The following NPAS2 variants were observed in gnomAD, a reference collection of about 807,000 sequenced individuals.
NPAS2 encodes the protein neuronal PAS domain-containing protein 2.
In NPAS2, 23 loss-of-function variants were observed where a neutral mutation model predicts 107.5. The observed-to-expected ratio is 0.21, with a 90% confidence interval of 0.15 to 0.30. The LOEUF is 0.30. Among genes scored for constraint, NPAS2 ranks in the 10% least tolerant of loss-of-function variants. The probability of loss-of-function intolerance (pLI) is 1.00; values close to 1 mark genes in which losing one functional copy is unlikely to be tolerated. For missense variants in NPAS2, 756 were observed against 1,043.3 expected (o/e 0.72, Z 3.79); for synonymous variants, 403 against 417.5 (o/e 0.97, Z 0.42).
chr2:100,852,204 G>T (rs940761169), intron 1 of NPAS2, among the ~76,000 whole-genome samples: 3 of 152,010 alleles, frequency 2.0e-5, no homozygotes, highest in East Asian at 1.9e-4. Context: ...AGACCATCCT[G>T]GCTAACACGG....
intron 2 of NPAS2, among the ~76,000 whole-genome samples, chr2:100,909,421 G>A (rs1053938512): frequency 2.6e-5 from 4 of 152,182 alleles, no homozygotes; most frequent in South Asian, 2.1e-4. Flanking sequence ...GACTGTTCTC[G>A]TTTCATTTGT....
At chr2:100,964,992 T>C (rs762775162) in intron 9 of NPAS2, 49 bp downstream of exon 9, 2 of 1,249,862 alleles carry the variant, frequency 1.6e-6, no homozygotes, top group Non-Finnish European at 2.2e-6. Flanking sequence ...TCAAGTCTTG[T>C]TTGCGTGAGC....
At chr2:100,833,984 G>A (rs1337698222) in intron 1 of NPAS2, among the ~76,000 whole-genome samples, 1 of 152,114 alleles carries the variant, frequency 6.6e-6, no homozygotes, top group African/African-American at 2.4e-5. Context: ...CTGGTTTTGA[G>A]GTGGAAGGAA....
chr2:100,821,844 C>T (rs913652281), intron 1 of NPAS2, among the ~76,000 whole-genome samples: 6 of 152,198 alleles, frequency 3.9e-5, no homozygotes, highest in Non-Finnish European at 7.3e-5. Flanking sequence ...AAAGAGTTAT[C>T]CTGACCTGCG....
intron 1 of NPAS2, among the ~76,000 whole-genome samples, chr2:100,822,441 T>A (rs1676132055): frequency 6.6e-6 from 1 of 152,238 alleles, no homozygotes; most frequent in Non-Finnish European, 1.5e-5. Context: ...ATAACACATA[T>A]AACCTGATGT....
At chr2:100,971,652 G>C (rs954679091) in intron 12 of NPAS2, among the ~76,000 whole-genome samples, 28 of 152,166 alleles carry the variant, frequency 1.8e-4, no homozygotes, top group Non-Finnish European at 1.5e-4. Flanking sequence ...AGCGAGCCCT[G>C]CTGTAGAAAG....
At chr2:100,929,999 C>T (rs908258203) in intron 3 of NPAS2, among the ~76,000 whole-genome samples, 5 of 152,212 alleles carry the variant, frequency 3.3e-5, no homozygotes, top group Admixed American at 2.6e-4. Flanking sequence ...TAATCCAAAT[C>T]AAAATGAGAA....
At chr2:100,880,660 T>A (rs1303674059) in intron 1 of NPAS2, among the ~76,000 whole-genome samples, 2 of 151,940 alleles carry the variant, frequency 1.3e-5, no homozygotes, top group African/African-American at 4.8e-5. Flanking sequence ...AATAAGAAGG[T>A]TTTGAATCCA....
At position 100,841,395 on chromosome 2, in the gene NPAS2, T is replaced by C. The variant is rs376232620; in HGVS notation, c.-23+20981T>C. 2.1e-4 allele frequency among the ~76,000 whole-genome samples: 32 copies of C among 152,266 alleles called. No individual in the cohort carries two copies. In the East Asian group the frequency reaches 4.4e-3, roughly 21 times the overall value. On this transcript the variant is annotated intron_variant, in intron 1 of 20. Coordinates refer to ENST00000335681, the MANE Select transcript of NPAS2 (RefSeq NM_002518.4). Reference sequence around the variant, plus strand: ...GGTGGAGGTTGCAGTGAGCCGAGATTGCGCCACTGCACTCCAGCCTGGATG... The same window carrying C: ...GGTGGAGGTTGCAGTGAGCCGAGATCGCGCCACTGCACTCCAGCCTGGATG...
rs529677384 is a variant in NPAS2, at chr2:100,919,687, G to A, written c.33-5459G>A. Among the ~76,000 whole-genome samples the A allele has an allele frequency of 7.9e-4, 121 of 152,222 alleles. 1 individual carries two copies. The highest frequency in any genetic ancestry group is 1.9e-4 in the East Asian group (1 of 5,164). ...TTGGCCTACCATTCACGACTGCGCCGTCGGTCTCCCCGTGCCTCCCCACCC... is the reference window on the plus strand; with the variant it reads ...TTGGCCTACCATTCACGACTGCGCCATCGGTCTCCCCGTGCCTCCCCACCC... On this transcript the variant is annotated intron_variant, in intron 2 of 20. Transcript: ENST00000335681.
At chr2:100,860,815 C>T (rs1292505839) in intron 1 of NPAS2, among the ~76,000 whole-genome samples, 3 of 152,046 alleles carry the variant, frequency 2.0e-5, no homozygotes, top group African/African-American at 7.3e-5. Flanking sequence ...ACTTTCCAGG[C>T]TCATTCTGTA....
chr2:100,905,118 G>A (rs1450781786), intron 2 of NPAS2, among the ~76,000 whole-genome samples: 1 of 152,136 alleles, frequency 6.6e-6, no homozygotes, highest in African/African-American at 2.4e-5. Context: ...TGACAAGTCA[G>A]GCTGACTGGA....
Position 100,829,217 on chromosome 2 carries a change from T to G in NPAS2, c.-23+8803T>G, listed in dbSNP as rs1676580175. ...TTTTTTTTTTTGAGACAGAGTCTCA[T>G]TCTGTCGCCCAGGCTGGATTGCAGT... is the stretch of plus-strand genomic sequence containing the variant. On this transcript the variant is annotated intron_variant, in intron 1 of 20. Coordinates refer to ENST00000335681, the MANE Select transcript of NPAS2 (RefSeq NM_002518.4). 3.3e-5 allele frequency among the ~76,000 whole-genome samples: 5 copies of G among 151,200 alleles called. No individual in the cohort carries two copies. The South Asian group carries it at 1.0e-3, about 32-fold the overall frequency.
intron 1 of NPAS2, among the ~76,000 whole-genome samples, chr2:100,859,929 C>G (rs1014474734): frequency 6.6e-6 from 1 of 152,240 alleles, no homozygotes; most frequent in Admixed American, 6.5e-5. Context: ...TTTTACTAAA[C>G]CATTTGAAGG....
chr2:100,887,817 G>A (rs533526975), intron 1 of NPAS2, among the ~76,000 whole-genome samples: 2 of 152,192 alleles, frequency 1.3e-5, no homozygotes, highest in Admixed American at 1.3e-4. Flanking sequence ...GGCTGGTGCC[G>A]GCACCGCCCC....
chr2:100,832,401 T>C (rs778551101), intron 1 of NPAS2, among the ~76,000 whole-genome samples: 3 of 152,184 alleles, frequency 2.0e-5, no homozygotes, highest in Non-Finnish European at 2.9e-5. Context: ...TGGCAATTGT[T>C]GGCTCCTCCT....
intron 1 of NPAS2, among the ~76,000 whole-genome samples, chr2:100,882,433 C>T (rs1237528607): frequency 6.6e-6 from 1 of 152,126 alleles, no homozygotes; most frequent in Non-Finnish European, 1.5e-5. Flanking sequence ...CACAGTGAAA[C>T]CCCATCTCTA....
chr2:100,821,422 G>A (rs1287781716), intron 1 of NPAS2, among the ~76,000 whole-genome samples: 4 of 151,914 alleles, frequency 2.6e-5, no homozygotes, highest in African/African-American at 7.3e-5. Context: ...CGTTGCTTTG[G>A]CATCCACCCC....
At chr2:100,990,541 G>A in intron 18 of NPAS2, 95 bp downstream of exon 18, 3 of 1,359,758 alleles carry the variant, frequency 2.2e-6, no homozygotes, top group Non-Finnish European at 2.1e-6. Flanking sequence ...GCAGAGTTCA[G>A]ACAGATTCTA....
Sources: allele counts gnomAD v4.1 joint callset (sites outside exome capture counted in the v4.1 genomes callset), GRCh38; gene constraint gnomAD v4.1.1; transcripts MANE v1.5; gene names NCBI Gene and HGNC (gene_info 2026-07-23, HGNC 2026-07-21).